The following CNTNAP5 variants were observed in gnomAD, a reference collection of about 807,000 sequenced individuals.
The protein encoded by CNTNAP5 is contactin associated protein family member 5.
Under a neutral mutation model 150.2 loss-of-function variants are expected in CNTNAP5, and 72 were observed. The observed-to-expected ratio is 0.48, with a 90% CI of 0.40 to 0.58. The LOEUF (loss-of-function observed/expected upper bound fraction) is 0.58, where lower values mean the gene tolerates loss of function less well. Ranked by LOEUF, CNTNAP5 falls within the 20% of genes least tolerant of loss-of-function variation. The pLI is 0.00. For missense variants in CNTNAP5, 1,636 were observed against 1,626.2 expected (o/e 1.01, Z -0.10); for synonymous variants, 672 against 619.8 (o/e 1.08, Z -1.25).
chr2:124,814,531 CTTTTCTTA>C (rs74990483), intron 19 of CNTNAP5, among the ~76,000 whole-genome samples: 5,071 of 151,994 alleles, frequency 0.033, 123 homozygotes, highest in Middle Eastern at 0.14. Context: ...TTGTGGACAA[CTTTTCTTA>C]GTGAAATTGC....
intron 4 of CNTNAP5, among the ~76,000 whole-genome samples, chr2:124,423,244 A>G (rs188584541): frequency 1.5e-4 from 23 of 152,346 alleles, no homozygotes; most frequent in Non-Finnish European, 3.1e-4. Context: ...TGCTTTGCAT[A>G]ATGTAAGCAC....
intron 1 of CNTNAP5, among the ~76,000 whole-genome samples, chr2:124,110,852 C>T (rs1265731937): frequency 2.0e-5 from 3 of 152,140 alleles, no homozygotes; most frequent in South Asian, 4.1e-4. Flanking sequence ...ACATCTATTA[C>T]CTCATTTGAT....
At chr2:124,853,550 A>G (rs74707766) in intron 19 of CNTNAP5, among the ~76,000 whole-genome samples, 1,895 of 152,316 alleles carry the variant, frequency 0.012, 45 homozygotes, top group African/African-American at 0.042. Flanking sequence ...CACTCTGTTT[A>G]CATCATAGTT....
chr2:124,276,660 C>A (rs765673675), intron 3 of CNTNAP5, among the ~76,000 whole-genome samples: 10 of 152,114 alleles, frequency 6.6e-5, no homozygotes, highest in Non-Finnish European at 1.0e-4. Flanking sequence ...GTGACAGGGC[C>A]TTTCCCCCAC....
chr2:124,716,124 T>C (rs922777651), intron 13 of CNTNAP5, among the ~76,000 whole-genome samples: 12 of 152,188 alleles, frequency 7.9e-5, no homozygotes, highest in African/African-American at 2.4e-4. Flanking sequence ...TGGACAATTA[T>C]CTTAAAATTA....
intron 1 of CNTNAP5, among the ~76,000 whole-genome samples, chr2:124,120,938 A>AT (rs762955972): frequency 5.5e-4 from 83 of 152,068 alleles, no homozygotes; most frequent in Admixed American, 9.8e-4. Flanking sequence ...TGTTGGATCT[A>AT]TTTTTTTGAT....
intron 19 of CNTNAP5, among the ~76,000 whole-genome samples, chr2:124,837,179 T>C (rs1227743728): frequency 1.4e-5 from 2 of 141,400 alleles, no homozygotes; most frequent in East Asian, 4.0e-4. Flanking sequence ...AGTATGACTA[T>C]CAAAAAAAAA....
intron 19 of CNTNAP5, among the ~76,000 whole-genome samples, chr2:124,813,821 T>C (rs1463296914): frequency 6.6e-6 from 1 of 152,030 alleles, no homozygotes; most frequent in Non-Finnish European, 1.5e-5. Flanking sequence ...GCATGTGGCA[T>C]AGCTGCTTCC....
chr2:124,646,859 G>A (rs1019107184), intron 12 of CNTNAP5, among the ~76,000 whole-genome samples: 3 of 152,202 alleles, frequency 2.0e-5, no homozygotes, highest in African/African-American at 7.2e-5. Flanking sequence ...TGTGGTACCA[G>A]CTACTTGGGA....
intron 1 of CNTNAP5, among the ~76,000 whole-genome samples, chr2:124,147,374 A>G (rs1684280151): frequency 6.6e-6 from 1 of 152,256 alleles, no homozygotes; most frequent in Non-Finnish European, 1.5e-5. Flanking sequence ...AAACACATTA[A>G]TATTTCTGCA....
intron 3 of CNTNAP5, among the ~76,000 whole-genome samples, chr2:124,375,282 TAAAG>T (rs750960314): frequency 7.2e-5 from 11 of 152,076 alleles, no homozygotes; most frequent in Admixed American, 6.6e-4. Context: ...TTTATACAAT[TAAAG>T]AAACCTGCTG....
intron 19 of CNTNAP5, among the ~76,000 whole-genome samples, chr2:124,830,449 T>A (rs1682689415): frequency 1.3e-5 from 2 of 152,024 alleles, no homozygotes; most frequent in Non-Finnish European, 2.9e-5. Flanking sequence ...TGTCATTGCC[T>A]TTTTTTATGA....
intron 8 of CNTNAP5, among the ~76,000 whole-genome samples, chr2:124,519,441 C>CA (rs1357370753): frequency 3.3e-5 from 5 of 152,186 alleles, no homozygotes; most frequent in Non-Finnish European, 7.3e-5. Flanking sequence ...TTTTGGTCAT[C>CA]AAAGAGATGG....
intron 3 of CNTNAP5, among the ~76,000 whole-genome samples, chr2:124,372,013 C>T (rs1227927072): frequency 6.6e-6 from 1 of 151,966 alleles, no homozygotes; most frequent in African/African-American, 2.4e-5. Context: ...ATGTGTGAGT[C>T]AGTAGACAGG....
chr2:124,085,501 T>C (rs963845079), intron 1 of CNTNAP5, among the ~76,000 whole-genome samples: 3 of 152,176 alleles, frequency 2.0e-5, no homozygotes, highest in Non-Finnish European at 4.4e-5. Flanking sequence ...ACTTCATTAA[T>C]TTTCCTTTGT....
At chr2:124,800,907 G>A (rs1681953451) in intron 19 of CNTNAP5, among the ~76,000 whole-genome samples, 3 of 152,086 alleles carry the variant, frequency 2.0e-5, no homozygotes, top group Non-Finnish European at 2.9e-5. Context: ...GAGAACATGC[G>A]CCCAAGGTGG....
chr2:124,391,479 C>T (rs189003359), intron 3 of CNTNAP5, among the ~76,000 whole-genome samples: 1 of 152,322 alleles, frequency 6.6e-6, no homozygotes, highest in Admixed American at 6.5e-5. Context: ...AAGCAGCCGC[C>T]TCTCCTCATC....
At chr2:124,857,386 C>T (rs1677400933) in intron 19 of CNTNAP5, among the ~76,000 whole-genome samples, 1 of 152,002 alleles carries the variant, frequency 6.6e-6, no homozygotes. Flanking sequence ...GAGCCCAAAC[C>T]TGAGTAAATT....
chr2:124,106,768 G>A lies in CNTNAP5; in HGVS notation c.82+81036G>A, dbSNP rs936650902. Among the ~76,000 whole-genome samples the A allele has an allele frequency of 2.6e-5, 4 of 152,288 alleles. No homozygotes were observed. In the South Asian group the frequency reaches 6.2e-4, roughly 24 times the overall value. On this transcript the variant is annotated intron_variant, in intron 1 of 23. Transcript: ENST00000682447. ...GTGGAAACCCCCATATATATAGCTGGTCAGTCAGAATTGCTAGTGACAACC... is the reference window on the plus strand; with the variant it reads ...GTGGAAACCCCCATATATATAGCTGATCAGTCAGAATTGCTAGTGACAACC...
Sources: allele counts gnomAD v4.1 joint callset (sites outside exome capture counted in the v4.1 genomes callset), GRCh38; gene constraint gnomAD v4.1.1; transcripts MANE v1.5; gene names NCBI Gene and HGNC (gene_info 2026-07-23, HGNC 2026-07-21).